The following EPHA8 variants were observed in gnomAD, a reference collection of about 807,000 sequenced individuals.
EPHA8 encodes the protein EPH receptor A8, also known as ephrin type-A receptor 8.
In EPHA8, 58 loss-of-function variants were observed where a neutral mutation model predicts 103.6. That is an observed-to-expected ratio of 0.56 (90% CI 0.45 to 0.70). EPHA8 has a LOEUF of 0.70. EPHA8 is among the 30% of genes least tolerant of loss of function. EPHA8 has a pLI of 0.00. For missense variants in EPHA8, 1,304 were observed against 1,395.2 expected, an observed-to-expected ratio of 0.93 and a Z score of 1.04; for synonymous variants, 559 against 572.5, an observed-to-expected ratio of 0.98 and a Z score of 0.34.
chr1:22,592,407 G>C (rs1055750915), intron 5 of EPHA8, among the ~76,000 whole-genome samples: 1 of 152,176 alleles, frequency 6.6e-6, no homozygotes, highest in Non-Finnish European at 1.5e-5. Context: ...GACTCACCCA[G>C]GGTCCCAGCT....
intron 3 of EPHA8, among the ~76,000 whole-genome samples, chr1:22,586,074 C>T (rs1641196555): frequency 6.6e-6 from 1 of 152,190 alleles, no homozygotes; most frequent in African/African-American, 2.4e-5. Flanking sequence ...GGCCCTGGCC[C>T]CTAGGCTGGC....
At chr1:22,566,470 A>C (rs1231250282) in intron 1 of EPHA8, among the ~76,000 whole-genome samples, 1 of 152,226 alleles carries the variant, frequency 6.6e-6, no homozygotes, top group Non-Finnish European at 1.5e-5. Context: ...TTCCCAGAGC[A>C]GGAGAGGGAC....
In EPHA8 at chr1:22,593,544, C is replaced by A. The variant is rs1641433435; in HGVS notation, c.1461C>A (p.Tyr487Ter). The change falls in exon 7 of 17, where the codon TAC becomes TAA. Residue 487 changes from tyrosine (Y) to a stop codon, truncating the protein, a stop_gained. Coordinates refer to ENST00000166244, the MANE Select transcript of EPHA8 (RefSeq NM_020526.5). LOFTEE classifies it high-confidence loss of function. The part of the protein sequence containing the change: ...YYEKDKEMQS[Y>*]STLKAVTTRA... ...GGCAGGACAAGGAGATGCAGAGCTA[C>A]TCCACCCTCAAGGCCGTCACCACCA... 3 of 1,612,486 alleles carry A rather than the reference C, an allele frequency of 1.9e-6. No homozygotes were observed. Among genetic ancestry groups the A allele is most frequent in the Non-Finnish European group, 2.5e-6 (3 of 1,179,746 alleles).
chr1:22,593,251 G>A, intron 5 of EPHA8, 75 bp from the exon 6 acceptor site: 5 of 1,510,782 alleles, frequency 3.3e-6, no homozygotes, highest in East Asian at 2.5e-5. Flanking sequence ...ATCCCCAGGT[G>A]GAACCTGGGA....
At chr1:22,592,408 G>C (rs894383079) in intron 5 of EPHA8, among the ~76,000 whole-genome samples, 3 of 152,150 alleles carry the variant, frequency 2.0e-5, no homozygotes, top group Non-Finnish European at 2.9e-5. Context: ...ACTCACCCAG[G>C]GTCCCAGCTA....
At position 22,589,094 on chromosome 1, in the gene EPHA8, C is replaced by A. The variant is rs1350698742; in HGVS notation, c.1203C>A (p.Asn401Lys). 2 of 1,613,540 alleles carry A rather than the reference C, an allele frequency of 1.2e-6. No homozygotes were observed. The highest frequency in any genetic ancestry group is 1.7e-6 in the Non-Finnish European group (2 of 1,179,888). The change falls in exon 5 of 17, where the codon AAC becomes AAA. Residue 401 changes from asparagine to lysine, a missense_variant. By Grantham distance (94) the Asn-to-Lys change is moderately conservative. Coordinates refer to ENST00000166244, the MANE Select transcript of EPHA8 (RefSeq NM_020526.5). This position sits in a 1 kb window ranked among gnomAD's most constrained non-coding sequence, Gnocchi z 4.3. ...TGCAGGCCAGCCTGCTGGTGGCCAA[C>A]CTGCTGGCCCACATGAACTACTCCT... ...SLVQASLLVA[N>K]LLAHMNYSFW...
chr1:22,567,562 C>T lies in EPHA8; in HGVS notation c.95-1727C>T, dbSNP rs951514764. ...GAATGCAGGGAGGAGCGCGGAGACC[C>T]CCTCCCTAGTTCTGCCAGCCTCACT... On this transcript the variant is annotated intron_variant, in intron 1 of 16. Coordinates refer to ENST00000166244, the MANE Select transcript of EPHA8 (RefSeq NM_020526.5). The surrounding 1 kb of genome is among the most constrained non-coding windows in gnomAD (Gnocchi z 4.2). 1.3e-5 allele frequency among the ~76,000 whole-genome samples: 2 copies of T among 152,078 alleles called. No homozygotes were observed. Among genetic ancestry groups the T allele is most frequent in the African/African-American group, 4.8e-5 (2 of 41,408 alleles).
At position 22,597,410 on chromosome 1, in the gene EPHA8, G is replaced by A. The variant is rs758235140; in HGVS notation, c.1864G>A (p.Ala622Thr). The A allele has an allele frequency of 6.2e-6, 10 of 1,613,432 alleles. No homozygotes were observed. In the Admixed American group the frequency reaches 1.2e-4, roughly 19 times the overall value. ...CCACACCTACGAGGAGCCAGGCCGG[G>A]CGGGCCGCAGTTTCACTCGGGAGAT... ...EPHTYEEPGR[A>T]GRSFTREIEA... is the part of the protein sequence containing the mutation. Residue 622 changes from alanine (A) to threonine (T), a missense_variant, in exon 10 of 17, where the codon GCG becomes ACG. Ala to Thr is a moderately conservative substitution (Grantham distance 58). Transcript: ENST00000166244. The surrounding 1 kb of genome is among the most constrained non-coding windows in gnomAD (Gnocchi z 4.6).
In EPHA8 at chr1:22,590,117, G is replaced by A. The variant is rs558156241; in HGVS notation, c.1315+911G>A. On this transcript the variant is annotated intron_variant, in intron 5 of 16. Transcript: ENST00000166244. ...AGCCCTTCAGAAGATTCCCTCATTCGACAGCCCTCGTGGAACACCCACTAA... is the reference window on the plus strand; with the variant it reads ...AGCCCTTCAGAAGATTCCCTCATTCAACAGCCCTCGTGGAACACCCACTAA... Among the ~76,000 whole-genome samples the A allele has an allele frequency of 3.1e-4, 47 of 152,252 alleles. No homozygotes were observed. In the Middle Eastern group the frequency reaches 0.01, roughly 33 times the overall value.
intron 3 of EPHA8, among the ~76,000 whole-genome samples, chr1:22,579,067 A>T (rs1569980772): frequency 1.4e-5 from 2 of 141,258 alleles, no homozygotes; most frequent in Non-Finnish European, 3.1e-5. Context: ...GTATGTATGC[A>T]TGTGTGTGCA....
chr1:22,583,376 C>T (rs11581616), intron 3 of EPHA8, among the ~76,000 whole-genome samples: 10,850 of 152,268 alleles, frequency 0.071, 465 homozygotes, highest in Non-Finnish European at 0.1. Flanking sequence ...GGGTATTAGC[C>T]GAGTGTGTGA....
chr1:22,595,932 C>T (rs1357171057), intron 8 of EPHA8, among the ~76,000 whole-genome samples, 174 bp from the exon 9 acceptor site: 1 of 152,212 alleles, frequency 6.6e-6, no homozygotes, highest in East Asian at 1.9e-4. Context: ...CACAGTTTAG[C>T]TGGGTTGAGA....
In EPHA8 at chr1:22,600,879, C is replaced by CA. The variant is rs1225562866; in HGVS notation, c.2539-18dup. The CA allele has an allele frequency of 6.3e-7, 1 of 1,594,646 alleles. No homozygotes were observed. The highest frequency in any genetic ancestry group is 8.6e-7 in the Non-Finnish European group (1 of 1,169,420). On this transcript the variant is annotated intron_variant, in intron 14 of 16. Transcript: ENST00000166244. The stretch of plus-strand genomic sequence containing the variant: ...GGGTGCAGGGAGGGACGGCTGAGCC[C>CA]AGCGCTGATCCCCTGCAGGTCATCA...
rs368283503 is a variant in EPHA8 at position 22,600,680 on chromosome 1, G to A, written c.2408G>A (p.Arg803His). The change falls in exon 14 of 17, where the codon CGC (arginine) becomes CAC (histidine). Residue 803 changes from arginine (R) to histidine (H), a missense_variant. Coordinates refer to ENST00000166244, the MANE Select transcript of EPHA8 (RefSeq NM_020526.5). ...TCGCAGGGCGGGAAGATCCCCATCCGCTGGACGGCCCCAGAGGCCATCGCC... is the reference window on the plus strand; with the variant it reads ...TCGCAGGGCGGGAAGATCCCCATCCACTGGACGGCCCCAGAGGCCATCGCC... ...YTTTGGKIPI[R>H]WTAPEAIAFR... 6.0e-5 allele frequency: 97 copies of A among 1,613,334 alleles called. No homozygotes were observed. The highest frequency in any genetic ancestry group is 8.3e-5 in the Admixed American group (5 of 59,978).
intron 9 of EPHA8, among the ~76,000 whole-genome samples, chr1:22,596,509 G>A (rs1250737669): frequency 6.6e-6 from 1 of 152,160 alleles, no homozygotes; most frequent in African/African-American, 2.4e-5. Flanking sequence ...CAGACAACAA[G>A]GCGAATCTGG....
chr1:22,578,353 TGTGC>T (rs1183507739), intron 3 of EPHA8, among the ~76,000 whole-genome samples: 3 of 150,402 alleles, frequency 2.0e-5, no homozygotes, highest in East Asian at 2.0e-4. Flanking sequence ...TGTGTGTATG[TGTGC>T]GTGCATGTGT....
intron 3 of EPHA8, among the ~76,000 whole-genome samples, chr1:22,581,846 A>C (rs1164715345): frequency 6.6e-6 from 1 of 152,222 alleles, no homozygotes; most frequent in African/African-American, 2.4e-5. Flanking sequence ...TGGGAACGGA[A>C]AGCCCGTTTT....
chr1:22,571,637 A>G (rs1164073246), intron 2 of EPHA8, among the ~76,000 whole-genome samples: 1 of 152,144 alleles, frequency 6.6e-6, no homozygotes, highest in Non-Finnish European at 1.5e-5. Flanking sequence ...AGAAGGCTGG[A>G]ATGAGATGCC....
intron 2 of EPHA8, among the ~76,000 whole-genome samples, chr1:22,570,506 TTAA>T (rs1295432297): frequency 9.2e-5 from 14 of 152,198 alleles, no homozygotes; most frequent in Admixed American, 2.6e-4. Flanking sequence ...AATAATAATA[TTAA>T]TAATGATGAT....
Sources: allele counts gnomAD v4.1 joint callset (sites outside exome capture counted in the v4.1 genomes callset), GRCh38; gene constraint gnomAD v4.1.1; non-coding constraint Gnocchi (gnomAD v3.1); transcripts MANE v1.5; gene names NCBI Gene and HGNC (gene_info 2026-07-23, HGNC 2026-07-21).